ZNF317: variants seen among roughly 807,000 people sequenced by gnomAD.
ZNF317 encodes zinc finger protein 317.
Under a neutral mutation model 23.4 loss-of-function variants are expected in ZNF317, and 17 were observed. The ratio of observed to expected loss-of-function variants is 0.73; its 90% confidence interval spans 0.50 to 1.09. The LOEUF (loss-of-function observed/expected upper bound fraction) is 1.09, where lower values mean the gene tolerates loss of function less well. Among genes scored for constraint, ZNF317 ranks in the 50% least tolerant of loss-of-function variants. The probability of loss-of-function intolerance (pLI) is 0.00; values close to 1 mark genes in which losing one functional copy is unlikely to be tolerated. For missense variants in ZNF317, 679 were observed against 796.7 expected, an observed-to-expected ratio of 0.85 and a Z score of 1.78; for synonymous variants, 317 against 314.9, an observed-to-expected ratio of 1.01 and a Z score of -0.07.
In ZNF317 at chr19:9,157,332, C is replaced by G. The variant is rs1720714049; in HGVS notation, c.227C>G (p.Ser76Cys). ...FTEKEWPLLD[S>C]SQRKLYKDVM... ...GAGAAGGAGTGGCCCTTGCTGGATTCTTCTCAGAGAAAACTGTACAAAGAT... is the reference window on the plus strand; with the variant it reads ...GAGAAGGAGTGGCCCTTGCTGGATTGTTCTCAGAGAAAACTGTACAAAGAT... The change falls in exon 4 of 7, where the codon TCT becomes TGT. Residue 76 changes from serine to cysteine, a missense_variant. Ser to Cys is a moderately radical substitution (Grantham distance 112, BLOSUM62 -1). Coordinates refer to ENST00000247956, the MANE Select transcript of ZNF317 (RefSeq NM_020933.5). The G allele has an allele frequency of 1.2e-6, 2 of 1,614,014 alleles. No homozygotes were observed. The highest frequency in any genetic ancestry group is 2.7e-5 in the African/African-American group (2 of 75,002).
In ZNF317 at chr19:9,160,889, A is replaced by G. The variant is rs765623451; in HGVS notation, c.1244A>G (p.Lys415Arg). The change falls in exon 7 of 7, where the codon AAG becomes AGG. Residue 415 changes from lysine to arginine, a missense_variant. By Grantham distance (26) the Lys-to-Arg change is conservative (BLOSUM62 2). Transcript: ENST00000247956. The surrounding 1 kb of genome is among the most constrained non-coding windows in gnomAD (Gnocchi z 6.8). ...AAACACATGAGGATTCACATCGTCAAGAAACCCGTGGAATGTCGGCAGTGC... is the reference window on the plus strand; with the variant it reads ...AAACACATGAGGATTCACATCGTCAGGAAACCCGTGGAATGTCGGCAGTGC... ...RRKHMRIHIV[K>R]KPVECRQCGK... 4.3e-6 allele frequency: 7 copies of G among 1,614,114 alleles called. No individual in the cohort carries two copies. The highest frequency in any genetic ancestry group is 5.9e-6 in the Non-Finnish European group (7 of 1,180,042).
chr19:9,148,109 CT>C (rs1382380952), intron 1 of ZNF317, among the ~76,000 whole-genome samples: 5 of 152,176 alleles, frequency 3.3e-5, no homozygotes, highest in Non-Finnish European at 7.3e-5. Context: ...TTCCTGAGGC[CT>C]CCCCAGAAGC....
chr19:9,157,585 G>C (rs3829682), intron 4 of ZNF317, 191 bp downstream of exon 4: 1 of 714,216 alleles, frequency 1.4e-6, no homozygotes, highest in South Asian at 2.5e-5. Flanking sequence ...GTGGTTCTCC[G>C]GTGTGTGTCT....
intron 5 of ZNF317, 148 bp from the exon 6 acceptor site, chr19:9,158,678 T>A: frequency 1.6e-6 from 1 of 625,364 alleles, no homozygotes; most frequent in Non-Finnish European, 2.9e-6. Context: ...TTGCCAAATA[T>A]CTCACATGAC....
In ZNF317 at chr19:9,161,013, CG is replaced by C. The variant is rs1394729406; in HGVS notation, c.1369del (p.Ala457ArgfsTer37). 1.9e-6 allele frequency: 3 copies of C among 1,614,014 alleles called. No individual in the cohort carries two copies. The highest frequency in any genetic ancestry group is 2.5e-6 in the Non-Finnish European group (3 of 1,180,036). ...GCDLCGKAFS[A>X]SSNLTAHRKI... The stretch of plus-strand genomic sequence containing the variant: ...GCGATCTCTGCGGGAAAGCTTTCAG[CG>C]CGAGTTCAAACCTCACCGCACACAG... On this transcript the variant is annotated frameshift_variant, in exon 7 of 7. Coordinates refer to ENST00000247956, the MANE Select transcript of ZNF317 (RefSeq NM_020933.5). LOFTEE classifies it low-confidence loss of function (END_TRUNC). The surrounding 1 kb of genome is among the most constrained non-coding windows in gnomAD (Gnocchi z 4.0).
chr19:9,152,926 C>T (rs118177070), intron 1 of ZNF317, among the ~76,000 whole-genome samples: 83 of 152,200 alleles, frequency 5.5e-4, no homozygotes, highest in Admixed American at 1.6e-3. Context: ...TTTGAATTTC[C>T]GTAAGGTCGG....
Position 9,161,986 on chromosome 19 carries a change from G to A in ZNF317, c.*553G>A, listed in dbSNP as rs1357069775. The stretch of plus-strand genomic sequence containing the variant: ...TTGTATGGCTTGCCAGCTAACAATA[G>A]TGGTTCCATCTTTAAGGAAGAAGAA... On this transcript the variant is annotated 3_prime_UTR_variant, in exon 7 of 7. Transcript: ENST00000247956. This position sits in a 1 kb window ranked among gnomAD's most constrained non-coding sequence, Gnocchi z 4.0. 1 of 152,718 alleles carries A rather than the reference G, an allele frequency of 6.5e-6. No homozygotes were observed. Among genetic ancestry groups the A allele is most frequent in the East Asian group, 1.9e-4 (1 of 5,194 alleles). The allele number at this position is 152,718 out of a possible 1,614,324, so 9.5% of individuals were successfully genotyped here.
At chr19:9,156,915 G>A in intron 3 of ZNF317, 167 bp downstream of exon 3, 17 of 862,048 alleles carry the variant, frequency 2.0e-5, no homozygotes, top group Non-Finnish European at 1.7e-6. Flanking sequence ...GGGGAAGTTA[G>A]GGGAAGTGAT....
intron 5 of ZNF317, among the ~76,000 whole-genome samples, chr19:9,158,371 T>C (rs973761300): frequency 8.0e-5 from 8 of 99,724 alleles, no homozygotes; most frequent in African/African-American, 3.9e-5. Context: ...TTCTTTTTTT[T>C]TTTTTTTTTT....
rs752143723 is a variant in ZNF317, at chr19:9,160,631, C to G, written c.986C>G (p.Thr329Ser). Reference sequence around the variant, plus strand: ...CTCATCGCACACAAGAGAACGCACACCGGAGAGAGGCCCTACGAGTGTCAC... The same window carrying G: ...CTCATCGCACACAAGAGAACGCACAGCGGAGAGAGGCCCTACGAGTGTCAC... ...CHLIAHKRTH[T>S]GERPYECHDC... The change falls in exon 7 of 7, where the codon ACC (threonine) becomes AGC (serine). Residue 329 changes from threonine (T) to serine (S), a missense_variant. Thr to Ser is a moderately conservative substitution (Grantham distance 58). Transcript: ENST00000247956. The surrounding 1 kb of genome is among the most constrained non-coding windows in gnomAD (Gnocchi z 6.8). The G allele has an allele frequency of 7.4e-6, 12 of 1,614,178 alleles. No individual in the cohort carries two copies. The highest frequency in any genetic ancestry group is 3.3e-4 in the Middle Eastern group (2 of 6,062).
At position 9,157,321 on chromosome 19, in the gene ZNF317, C is replaced by T. The variant is rs374302133; in HGVS notation, c.216C>T (p.Pro72=). 3.7e-6 allele frequency: 6 copies of T among 1,613,988 alleles called. No individual in the cohort carries two copies. Among genetic ancestry groups the T allele is most frequent in the Non-Finnish European group, 5.1e-6 (6 of 1,179,996 alleles). The change falls in exon 4 of 7, where the codon CCC becomes CCT. Residue 72 remains proline (P), a synonymous_variant. Transcript: ENST00000247956. ...TGGACTTTACCGAGAAGGAGTGGCC[C>T]TTGCTGGATTCTTCTCAGAGAAAAC... ...VAVDFTEKEW[P]LLDSSQRKLY... is the part of the protein sequence containing the mutation.
At chr19:9,159,662 C>T (rs2145960459) in intron 6 of ZNF317, among the ~76,000 whole-genome samples, 1 of 151,968 alleles carries the variant, frequency 6.6e-6, no homozygotes, top group East Asian at 1.9e-4. Flanking sequence ...TTCTCCTGTC[C>T]CACCCTCCCG....
chr19:9,158,969 C>T lies in ZNF317; in HGVS notation c.468+61C>T, dbSNP rs1333949602. The T allele has an allele frequency of 5.7e-6, 7 of 1,236,122 alleles. No individual in the cohort carries two copies. In the East Asian group the frequency reaches 1.6e-4, roughly 29 times the overall value. The allele number at this position is 1,236,122 out of a possible 1,614,324, so 76.6% of individuals were successfully genotyped here. On this transcript the variant is annotated intron_variant, in intron 6 of 6. Coordinates refer to ENST00000247956, the MANE Select transcript of ZNF317 (RefSeq NM_020933.5). ...CCACGTCTGAGGAGACTGGGGCAGCCTAGGTTAGAAAAGCAGTTCAACACC... is the reference window on the plus strand; with the variant it reads ...CCACGTCTGAGGAGACTGGGGCAGCTTAGGTTAGAAAAGCAGTTCAACACC...
chr19:9,148,421 G>A (rs78695519), intron 1 of ZNF317, among the ~76,000 whole-genome samples: 3,283 of 152,278 alleles, frequency 0.022, 115 homozygotes, highest in African/African-American at 0.075. Flanking sequence ...TTCATGGAGG[G>A]TGGTGGTGGA....
chr19:9,160,524 G>T lies in ZNF317; in HGVS notation c.879G>T (p.Leu293=). The change falls in exon 7 of 7, where the codon CTG becomes CTT. Residue 293 remains leucine (L), a synonymous_variant. Transcript: ENST00000247956. This position sits in a 1 kb window ranked among gnomAD's most constrained non-coding sequence, Gnocchi z 6.8. ...CGNAFRTLSA[L]KIHMRVHTGE... ...ATGCATTCCGGACCCTCTCGGCCCT[G>T]AAAATCCACATGCGAGTTCACACTG... 1 of 1,614,214 alleles carries T rather than the reference G, an allele frequency of 6.2e-7. No homozygotes were observed. Among genetic ancestry groups the T allele is most frequent in the South Asian group, 1.1e-5 (1 of 91,086 alleles).
At chr19:9,156,802 C>T (rs2050788780) in intron 3 of ZNF317, 54 bp downstream of exon 3, 5 of 1,585,932 alleles carry the variant, frequency 3.2e-6, no homozygotes, top group Middle Eastern at 1.7e-4. Flanking sequence ...CTGGAAGACC[C>T]CACCAGTGCA....
chr19:9,156,652 A>G lies in ZNF317; in HGVS notation c.66A>G (p.Glu22=), dbSNP rs2050786731. 6.8e-6 allele frequency: 11 copies of G among 1,613,940 alleles called. 1 individual carries two copies. In the Admixed American group the frequency reaches 1.3e-4, roughly 20 times the overall value. ...TQDSTCLQDS[E]FPVSSKDHSC... ...ATTCCACCTGTCTCCAGGACTCAGA[A>G]TTTCCTGTTTCTTCAAAAGACCATT... Residue 22 remains glutamate (E), a synonymous_variant, in exon 3 of 7, where the codon GAA becomes GAG. Coordinates refer to ENST00000247956, the MANE Select transcript of ZNF317 (RefSeq NM_020933.5).
Position 9,160,535 on chromosome 19 carries a change from T to G in ZNF317, c.890T>G (p.Met297Arg). The G allele has an allele frequency of 6.2e-7, 1 of 1,614,160 alleles. No individual in the cohort carries two copies. The highest frequency in any genetic ancestry group is 8.5e-7 in the Non-Finnish European group (1 of 1,180,042). The change falls in exon 7 of 7, where the codon ATG becomes AGG. Residue 297 changes from methionine (M) to arginine (R), a missense_variant. Met to Arg is a moderately conservative substitution (Grantham distance 91, BLOSUM62 -1). Coordinates refer to ENST00000247956, the MANE Select transcript of ZNF317 (RefSeq NM_020933.5). This position sits in a 1 kb window ranked among gnomAD's most constrained non-coding sequence, Gnocchi z 6.8. ...FRTLSALKIHMRVHTGERPYK... is the reference protein window; with the variant it reads ...FRTLSALKIHRRVHTGERPYK... ...ACCCTCTCGGCCCTGAAAATCCACA[T>G]GCGAGTTCACACTGGCGAGAGGCCT...
At chr19:9,144,714 T>C (rs1312513229) in intron 1 of ZNF317, among the ~76,000 whole-genome samples, 1 of 152,228 alleles carries the variant, frequency 6.6e-6, no homozygotes, top group Non-Finnish European at 1.5e-5. Flanking sequence ...TGCTATTGCA[T>C]ACCATCATTT....
Sources: allele counts gnomAD v4.1 joint callset (sites outside exome capture counted in the v4.1 genomes callset), GRCh38; gene constraint gnomAD v4.1.1; non-coding constraint Gnocchi (gnomAD v3.1); transcripts MANE v1.5; gene names NCBI Gene and HGNC (gene_info 2026-07-23, HGNC 2026-07-21).